The following PCCA variants were observed in gnomAD, a reference collection of about 807,000 sequenced individuals.
PCCA encodes propionyl-CoA carboxylase subunit alpha.
A neutral mutation model predicts 101.3 loss-of-function variants in PCCA; 74 were observed. The observed-to-expected ratio is 0.73, with a 90% confidence interval of 0.61 to 0.89. The LOEUF (loss-of-function observed/expected upper bound fraction) is 0.89, where lower values mean the gene tolerates loss of function less well. PCCA is among the 40% of genes least tolerant of loss of function. PCCA has a pLI of 0.00. For synonymous variants in PCCA, 294 were observed against 313.6 expected, an observed-to-expected ratio of 0.94 and a Z score of 0.66; for missense variants, 891 against 907.0, an observed-to-expected ratio of 0.98 and a Z score of 0.23.
At chr13:100,249,813 A>C (rs1260207223) in intron 8 of PCCA, among the ~76,000 whole-genome samples, 2 of 151,990 alleles carry the variant, frequency 1.3e-5, no homozygotes, top group Non-Finnish European at 2.9e-5. Context: ...TGCCTATTTT[A>C]TTTCTTTAGT....
chr13:100,450,277 A>AGGAGGCTGAG (rs1481460084), intron 21 of PCCA, among the ~76,000 whole-genome samples: 1 of 151,702 alleles, frequency 6.6e-6, no homozygotes, highest in Non-Finnish European at 1.5e-5. Context: ...CCAGCTACTC[A>AGGAGGCTGAG]GGAGGCTGAG....
At chr13:100,518,003 C>T (rs186974342) in intron 22 of PCCA, among the ~76,000 whole-genome samples, 10 of 151,688 alleles carry the variant, frequency 6.6e-5, no homozygotes, top group East Asian at 1.9e-4. Context: ...ATTTTAACAC[C>T]GCGGGGCGTG....
chr13:100,161,590 A>G (rs188045938), intron 6 of PCCA: 199 of 152,204 alleles, frequency 1.3e-3, no homozygotes, highest in African/African-American at 4.7e-3. Flanking sequence ...TTGTTTAACA[A>G]TTTTTTTGTT....
At chr13:100,414,103 T>A (rs768881255) in intron 19 of PCCA, among the ~76,000 whole-genome samples, 2 of 152,230 alleles carry the variant, frequency 1.3e-5, no homozygotes, top group Non-Finnish European at 2.9e-5. Flanking sequence ...GCAATTCACA[T>A]CCTTTGAGAT....
rs535982202 is a variant in PCCA, at chr13:100,307,164, CTTTTCTTT to C, written c.1285-13_1285-6del. 1,018 of 1,545,340 alleles carry C rather than the reference CTTTTCTTT, an allele frequency of 6.6e-4. 13 individuals carry two copies. In the Admixed American group the frequency reaches 0.011, roughly 16 times the overall value. On this transcript the variant is annotated intron_variant, in intron 14 of 23. Transcript: ENST00000376285. ...AAAAATATCTACACAATATGAATTACTTTTCTTTTTTTCTTTTTTTCTCCCAGGTCCGA... is the reference window on the plus strand; with the variant it reads ...AAAAATATCTACACAATATGAATTACTTTTCTTTTTTTCTCCCAGGTCCGA...
rs2078140294 is a variant in PCCA at position 100,412,885 on chromosome 13, TAATC to T, written c.1747-12744_1747-12741del. 3.3e-5 allele frequency among the ~76,000 whole-genome samples: 5 copies of T among 152,306 alleles called. No homozygotes were observed. The South Asian group carries it at 1.0e-3, about 32-fold the overall frequency. On this transcript the variant is annotated intron_variant, in intron 19 of 23. Coordinates refer to ENST00000376285, the MANE Select transcript of PCCA (RefSeq NM_000282.4). ...GTTCATGCTTACAAAAGAATCCTGTTAATCAATTTGTAATCCACCAATTATTTTG... is the reference window on the plus strand; with the variant it reads ...GTTCATGCTTACAAAAGAATCCTGTTAATTTGTAATCCACCAATTATTTTG...
intron 4 of PCCA, among the ~76,000 whole-genome samples, chr13:100,151,722 T>C (rs1277449340): frequency 6.6e-6 from 1 of 152,218 alleles, no homozygotes; most frequent in Non-Finnish European, 1.5e-5. Context: ...GAAGACAAAC[T>C]ATACTTAGTG....
chr13:100,209,595 C>T, intron 7 of PCCA, 132 bp downstream of exon 7: 1 of 698,720 alleles, frequency 1.4e-6, no homozygotes, highest in Admixed American at 2.1e-5. Context: ...CACATACATA[C>T]ATGTATATAT....
intron 22 of PCCA, among the ~76,000 whole-genome samples, chr13:100,523,996 T>C (rs837326): frequency 0.56 from 84,904 of 152,136 alleles, 24,290 homozygotes; most frequent in East Asian, 0.78. Flanking sequence ...AATGCTTGGC[T>C]TCCCAGCCAC....
chr13:100,176,765 G>GT (rs1358905933), intron 6 of PCCA, among the ~76,000 whole-genome samples: 2 of 152,138 alleles, frequency 1.3e-5, no homozygotes, highest in East Asian at 1.9e-4. Context: ...CTTTATATTA[G>GT]TTTTTTTAAT....
intron 21 of PCCA, among the ~76,000 whole-genome samples, chr13:100,457,164 A>G (rs545417715): frequency 1.3e-5 from 2 of 152,196 alleles, no homozygotes; most frequent in Non-Finnish European, 2.9e-5. Context: ...AATGATTCAT[A>G]ATGTTTATAA....
At chr13:100,121,998 C>T (rs1448910156) in intron 4 of PCCA, among the ~76,000 whole-genome samples, 1 of 152,194 alleles carries the variant, frequency 6.6e-6, no homozygotes, top group African/African-American at 2.4e-5. Context: ...TTTTCATAGA[C>T]TTTCATTATC....
chr13:100,129,838 C>T (rs1890139), intron 4 of PCCA, among the ~76,000 whole-genome samples: 63,298 of 152,048 alleles, frequency 0.42, 14,297 homozygotes, highest in Middle Eastern at 0.59. Flanking sequence ...AGAACATTCT[C>T]GCCATCTGTA....
intron 6 of PCCA, among the ~76,000 whole-genome samples, chr13:100,197,567 C>A (rs1038659294): frequency 2.6e-5 from 4 of 152,126 alleles, no homozygotes; most frequent in African/African-American, 9.7e-5. Context: ...GCCTCAGCTC[C>A]TGAGTTGCTA....
chr13:100,426,197 C>T (rs1432914701), intron 20 of PCCA, among the ~76,000 whole-genome samples: 7 of 152,074 alleles, frequency 4.6e-5, no homozygotes, highest in East Asian at 3.9e-4. Flanking sequence ...TCTTTCTTTT[C>T]GCCTCAATAT....
At chr13:100,127,748 C>T (rs988776122) in intron 4 of PCCA, among the ~76,000 whole-genome samples, 3 of 151,930 alleles carry the variant, frequency 2.0e-5, no homozygotes, top group African/African-American at 4.8e-5. Context: ...AAAAGTTAGC[C>T]GGGCGTGGTG....
intron 21 of PCCA, among the ~76,000 whole-genome samples, chr13:100,515,196 T>C (rs891326506): frequency 6.6e-6 from 1 of 152,254 alleles, no homozygotes; most frequent in African/African-American, 2.4e-5. Flanking sequence ...TACTTATCAA[T>C]GATTAATTTT....
At chr13:100,476,474 A>G (rs982542752) in intron 21 of PCCA, among the ~76,000 whole-genome samples, 6 of 152,240 alleles carry the variant, frequency 3.9e-5, no homozygotes, top group Admixed American at 3.9e-4. Context: ...GAAAAAAGCA[A>G]AACATATTAA....
chr13:100,227,735 G>A (rs972039760), intron 7 of PCCA, among the ~76,000 whole-genome samples: 1 of 152,150 alleles, frequency 6.6e-6, no homozygotes, highest in African/African-American at 2.4e-5. Flanking sequence ...ATTACAGAAA[G>A]AATGGACCAC....
Sources: allele counts gnomAD v4.1 joint callset (sites outside exome capture counted in the v4.1 genomes callset), GRCh38; gene constraint gnomAD v4.1.1; transcripts MANE v1.5; gene names NCBI Gene and HGNC (gene_info 2026-07-23, HGNC 2026-07-21).